SLC14A2: variants seen among roughly 807,000 people sequenced by gnomAD.
SLC14A2 encodes the protein solute carrier family 14 member 2.
Under a neutral mutation model 104.6 loss-of-function variants are expected in SLC14A2, and 91 were observed. That is an observed-to-expected ratio of 0.87 (90% CI 0.73 to 1.04). SLC14A2 has a LOEUF of 1.04. Ranked by LOEUF, SLC14A2 falls within the 50% of genes least tolerant of loss-of-function variation. The pLI is 0.00. For synonymous variants in SLC14A2, 476 were observed against 466.4 expected (o/e 1.02, Z -0.27); for missense variants, 1,189 against 1,156.0 (o/e 1.03, Z -0.41).
intron 1 of SLC14A2, among the ~76,000 whole-genome samples, chr18:45,360,500 A>G (rs1161731648): frequency 1.3e-5 from 2 of 152,226 alleles, no homozygotes; most frequent in South Asian, 2.1e-4. Context: ...CAGATCCTCA[A>G]TGCCAGTTAT....
intron 1 of SLC14A2, among the ~76,000 whole-genome samples, chr18:45,402,169 G>A (rs563334616): frequency 1.3e-3 from 204 of 152,198 alleles, no homozygotes; most frequent in Non-Finnish European, 2.4e-3. Context: ...ACTGTCAGGG[G>A]AACCCCCAGA....
chr18:45,525,148 CA>C (rs2043576409), intron 2 of SLC14A2, among the ~76,000 whole-genome samples: 1 of 152,102 alleles, frequency 6.6e-6, no homozygotes, highest in Non-Finnish European at 1.5e-5. Context: ...CACACACACA[CA>C]CACACAAAAC....
intron 1 of SLC14A2, among the ~76,000 whole-genome samples, chr18:45,369,119 A>G (rs2085696255): frequency 6.6e-6 from 1 of 152,148 alleles, no homozygotes; most frequent in South Asian, 2.1e-4. Flanking sequence ...AAGCAAATAA[A>G]CACTAACACT....
At chr18:45,492,182 T>G (rs1004735706) in intron 2 of SLC14A2, 1 of 152,252 alleles carries the variant, frequency 6.6e-6, no homozygotes, top group Non-Finnish European at 1.5e-5. Flanking sequence ...CCCTATTGGC[T>G]GACTGTACCT....
At chr18:45,538,399 C>A (rs190066133) in intron 2 of SLC14A2, among the ~76,000 whole-genome samples, 3 of 152,162 alleles carry the variant, frequency 2.0e-5, no homozygotes, top group Non-Finnish European at 4.4e-5. Context: ...TAGAGTCTTT[C>A]GTGAGGTTTC....
intron 1 of SLC14A2, among the ~76,000 whole-genome samples, chr18:45,357,763 G>A (rs576913048): frequency 6.6e-6 from 1 of 152,260 alleles, no homozygotes; most frequent in Admixed American, 6.5e-5. Flanking sequence ...GAAGATTCAG[G>A]CAGTGGACTT....
intron 1 of SLC14A2, among the ~76,000 whole-genome samples, chr18:45,410,010 G>A (rs1341457757): frequency 2.0e-5 from 3 of 152,172 alleles, no homozygotes; most frequent in African/African-American, 7.2e-5. Context: ...CTGGGGGGCA[G>A]CGGGTGGTGA....
intron 1 of SLC14A2, among the ~76,000 whole-genome samples, chr18:45,225,046 T>G (rs2084100601): frequency 6.6e-6 from 1 of 152,248 alleles, no homozygotes; most frequent in Non-Finnish European, 1.5e-5. Context: ...TTTTGGTGTT[T>G]TAGTCATGAA....
chr18:45,260,486 T>C (rs1469764645), intron 1 of SLC14A2, among the ~76,000 whole-genome samples: 1 of 152,130 alleles, frequency 6.6e-6, no homozygotes, highest in Non-Finnish European at 1.5e-5. Context: ...AAATAAATGG[T>C]TCTGTCAAAA....
At chr18:45,397,566 C>T (rs1035448188) in intron 1 of SLC14A2, among the ~76,000 whole-genome samples, 3 of 152,114 alleles carry the variant, frequency 2.0e-5, no homozygotes, top group Non-Finnish European at 4.4e-5. Context: ...GGATATTAGA[C>T]CTTTGTCAGA....
At chr18:45,590,490 T>C (rs1011546228) in intron 2 of SLC14A2, among the ~76,000 whole-genome samples, 4 of 152,122 alleles carry the variant, frequency 2.6e-5, no homozygotes, top group East Asian at 1.9e-4. Flanking sequence ...TGGAGGTGAA[T>C]TGGTTTTGTT....
At chr18:45,469,924 G>A (rs1284952219) in intron 1 of SLC14A2, among the ~76,000 whole-genome samples, 1 of 152,166 alleles carries the variant, frequency 6.6e-6, no homozygotes, top group Non-Finnish European at 1.5e-5. Flanking sequence ...AATGGTAGCA[G>A]GGAGAAGATA....
intron 1 of SLC14A2, among the ~76,000 whole-genome samples, chr18:45,456,653 G>A (rs1826201036): frequency 6.6e-6 from 1 of 152,146 alleles, no homozygotes; most frequent in African/African-American, 2.4e-5. Context: ...ACTGGAGGAC[G>A]TGTAGCTTTC....
chr18:45,280,305 G>C (rs777137739), intron 1 of SLC14A2, among the ~76,000 whole-genome samples: 4 of 152,194 alleles, frequency 2.6e-5, no homozygotes, highest in Admixed American at 2.6e-4. Flanking sequence ...TCTGGGCATG[G>C]TGGGAGGAAA....
At position 45,626,955 on chromosome 18, in the gene SLC14A2, C is replaced by T; in HGVS notation, c.332-3C>T. 6.2e-7 allele frequency: 1 copy of T among 1,607,146 alleles called. No individual in the cohort carries two copies. The highest frequency in any genetic ancestry group is 8.5e-7 in the Non-Finnish European group (1 of 1,176,004). ...CTGATGGCTCGCTCTCTGTCTCTTTCAGACAAGCACCTTGCCCTCCAGTTC... is the reference window on the plus strand; with the variant it reads ...CTGATGGCTCGCTCTCTGTCTCTTTTAGACAAGCACCTTGCCCTCCAGTTC... On this transcript the variant is annotated splice_region_variant and splice_polypyrimidine_tract_variant and intron_variant, in intron 3 of 19. Coordinates refer to ENST00000255226, the MANE Select transcript of SLC14A2 (RefSeq NM_007163.4).
At chr18:45,252,867 T>C (rs1255363300) in intron 1 of SLC14A2, among the ~76,000 whole-genome samples, 1 of 150,944 alleles carries the variant, frequency 6.6e-6, no homozygotes, top group African/African-American at 2.4e-5. Flanking sequence ...ATGATTAGGC[T>C]GGGATAGAAC....
At chr18:45,626,831 T>G in intron 3 of SLC14A2, 127 bp from the exon 4 acceptor site, 1 of 257,848 alleles carries the variant, frequency 3.9e-6, no homozygotes, top group Non-Finnish European at 7.4e-6. Flanking sequence ...CCCCGACCCC[T>G]GGCCTGGCTG....
chr18:45,228,715 A>G (rs1399941268), intron 1 of SLC14A2, among the ~76,000 whole-genome samples: 1 of 152,176 alleles, frequency 6.6e-6, no homozygotes, highest in Non-Finnish European at 1.5e-5. Context: ...CCCTGGCATC[A>G]GATAGTCTTT....
chr18:45,372,897 T>C (rs925319095), intron 1 of SLC14A2, among the ~76,000 whole-genome samples: 3 of 152,224 alleles, frequency 2.0e-5, no homozygotes, highest in Non-Finnish European at 4.4e-5. Context: ...AGATAAAATA[T>C]AGTTAGATAT....
Sources: gnomAD v4.1 joint callset for allele counts (sites outside exome capture counted in the v4.1 genomes callset) on GRCh38, gnomAD v4.1.1 for gene constraint, MANE v1.5 for transcripts, NCBI Gene and HGNC (gene_info 2026-07-23, HGNC 2026-07-21) for gene names.